The following BRD10 variants were observed in gnomAD, a reference collection of about 807,000 sequenced individuals.
BRD10 encodes bromodomain containing 10.
At chr9:5,919,853 A>G in the BRD10 span, 2 of 1,613,822 alleles carry the variant, frequency 1.2e-6, no homozygotes, top group Non-Finnish European at 1.7e-6. Flanking sequence ...TTCTGGGCTA[A>G]CCAACAATTT....
the BRD10 span, chr9:5,968,756 G>A: frequency 6.2e-7 from 1 of 1,613,824 alleles, no homozygotes; most frequent in Admixed American, 1.7e-5. Flanking sequence ...TGGAAATTCT[G>A]GGGCCTGAAA....
the BRD10 span, chr9:5,914,026 G>C: frequency 2.2e-6 from 1 of 453,400 alleles, no homozygotes; most frequent in Non-Finnish European, 4.4e-6. Context: ...GCTCAAGAAA[G>C]TTGGATGGCA....
At chr9:5,987,737 T>C in the BRD10 span, among the ~76,000 whole-genome samples, 1 of 152,238 alleles carries the variant, frequency 6.6e-6, no homozygotes, top group Non-Finnish European at 1.5e-5. Context: ...TTTAGTACTA[T>C]AAAAATAACT....
At chr9:5,998,129 G>A in the BRD10 span, among the ~76,000 whole-genome samples, 2 of 152,022 alleles carry the variant, frequency 1.3e-5, no homozygotes, top group Admixed American at 1.3e-4. Context: ...GAAAAGTTCT[G>A]TTTTGAACAT....
chr9:5,951,801 T>C, the BRD10 span, among the ~76,000 whole-genome samples: 1 of 152,104 alleles, frequency 6.6e-6, no homozygotes, highest in Non-Finnish European at 1.5e-5. Flanking sequence ...TATTAATGTG[T>C]GTATTTGAAG....
chr9:5,947,507 A>G, the BRD10 span, among the ~76,000 whole-genome samples: 2 of 152,094 alleles, frequency 1.3e-5, no homozygotes, highest in Admixed American at 6.6e-5. Context: ...TTTAGCTATA[A>G]TATTTATTCT....
At chr9:5,969,743 A>G in the BRD10 span, among the ~76,000 whole-genome samples, 13 of 152,000 alleles carry the variant, frequency 8.6e-5, no homozygotes, top group African/African-American at 3.1e-4. Context: ...ACGGGGTTTC[A>G]CCATGTTGGC....
At chr9:5,924,693 G>T in the BRD10 span, 1 of 1,541,276 alleles carries the variant, frequency 6.5e-7, no homozygotes, top group Admixed American at 1.9e-5. Context: ...GATATCCAGA[G>T]GTTCTGTTGA....
At chr9:5,922,112 T>C in the BRD10 span, 1 of 1,614,010 alleles carries the variant, frequency 6.2e-7, no homozygotes, top group Admixed American at 1.7e-5. Context: ...TGGGTTGGTC[T>C]GTACTTTTAC....
At chr9:5,885,180 G>T in the BRD10 span, among the ~76,000 whole-genome samples, 1 of 152,094 alleles carries the variant, frequency 6.6e-6, no homozygotes, top group Non-Finnish European at 1.5e-5. Context: ...GAACCTCTCT[G>T]TCCTGGGTCT....
At chr9:5,972,286 A>T in the BRD10 span, among the ~76,000 whole-genome samples, 16 of 152,234 alleles carry the variant, frequency 1.1e-4, no homozygotes, top group African/African-American at 3.9e-4. Context: ...AGAAACTGAA[A>T]ACATGAGCAA....
the BRD10 span, among the ~76,000 whole-genome samples, chr9:5,884,059 A>T: frequency 6.6e-6 from 1 of 152,238 alleles, no homozygotes; most frequent in African/African-American, 2.4e-5. Context: ...AATAAAAATC[A>T]GAACCCAGAG....
At chr9:5,960,496 A>C in the BRD10 span, among the ~76,000 whole-genome samples, 1 of 150,972 alleles carries the variant, frequency 6.6e-6, no homozygotes, top group Non-Finnish European at 1.5e-5. Flanking sequence ...CAGGAGGTGG[A>C]GGTTGCAGTG....
At chr9:5,989,258 A>AAG in the BRD10 span, among the ~76,000 whole-genome samples, 1 of 145,336 alleles carries the variant, frequency 6.9e-6, no homozygotes, top group Non-Finnish European at 1.5e-5. Flanking sequence ...AAAAAAAAAA[A>AAG]AAAATCCAAA....
chr9:5,960,964 T>C, the BRD10 span, among the ~76,000 whole-genome samples: 1 of 152,246 alleles, frequency 6.6e-6, no homozygotes, highest in Non-Finnish European at 1.5e-5. Flanking sequence ...TAAAATGGTA[T>C]GTATAGTATA....
At chr9:5,987,410 A>G in the BRD10 span, among the ~76,000 whole-genome samples, 1 of 152,120 alleles carries the variant, frequency 6.6e-6, no homozygotes, top group Non-Finnish European at 1.5e-5. Context: ...AATTCTCCCC[A>G]TTCCAATCTA....
At chr9:5,968,185 T>C in the BRD10 span, 8 of 1,611,832 alleles carry the variant, frequency 5.0e-6, no homozygotes, top group African/African-American at 1.3e-5. Flanking sequence ...TCTTCTTTTT[T>C]GCCCTCATTT....
At chr9:5,988,447 G>C in the BRD10 span, 1 of 1,613,770 alleles carries the variant, frequency 6.2e-7, no homozygotes, top group Non-Finnish European at 8.5e-7. Flanking sequence ...TCGCGGTGTT[G>C]ACCGACGCCT....
At chr9:5,900,916 G>A in the BRD10 span, among the ~76,000 whole-genome samples, 1 of 88,082 alleles carries the variant, frequency 1.1e-5, no homozygotes, top group Non-Finnish European at 3.1e-5. Flanking sequence ...ACACTCATGT[G>A]TCAGGGCACT....
Sources: gnomAD v4.1 joint callset for allele counts (sites outside exome capture counted in the v4.1 genomes callset) on GRCh38, gnomAD v4.1.1 for gene constraint, MANE v1.5 for transcripts, NCBI Gene and HGNC (gene_info 2026-07-23, HGNC 2026-07-21) for gene names.